Variants in PCDHGA2 observed in about 807,000 individuals in gnomAD.
The protein encoded by PCDHGA2 is protocadherin gamma-A2.
In PCDHGA2, 40 loss-of-function variants were observed where a neutral mutation model predicts 59.2. The observed-to-expected ratio is 0.68, with a 90% CI of 0.52 to 0.88. PCDHGA2 has a LOEUF of 0.88. Ranked by LOEUF, PCDHGA2 falls within the 40% of genes least tolerant of loss-of-function variation. The pLI is 0.00. For missense variants in PCDHGA2, 1,226 were observed against 1,204.0 expected (o/e 1.02, Z -0.27); for synonymous variants, 560 against 526.0 (o/e 1.06, Z -0.89).
chr5:141,457,868 G>T lies in PCDHGA2; in HGVS notation c.2425-36939G>T, dbSNP rs1479066479. ...AAAGTGACATTCTTCACTGACCACA[G>T]GTTAGGAACCCTGTGTGGGGACTGT... On this transcript the variant is annotated intron_variant, in intron 1 of 3. Transcript: ENST00000394576. Among the ~76,000 whole-genome samples the T allele has an allele frequency of 2.0e-5, 3 of 152,346 alleles. No individual in the cohort carries two copies. In the East Asian group the frequency reaches 5.8e-4, roughly 29 times the overall value.
In PCDHGA2 at chr5:141,431,770, T is replaced by G. The variant is rs748816389; in HGVS notation, c.2425-63037T>G. The G allele has an allele frequency of 3.7e-6, 6 of 1,614,204 alleles. No homozygotes were observed. In the South Asian group the frequency reaches 6.6e-5, roughly 18 times the overall value. ...CGCGAGCCAAAGTCCTGATCACTGT[T>G]CTGGACGTGAACGACAATGCCCCAG... On this transcript the variant is annotated intron_variant, in intron 1 of 3. Coordinates refer to ENST00000394576, the MANE Select transcript of PCDHGA2 (RefSeq NM_018915.4). The surrounding 1 kb of genome is among the most constrained non-coding windows in gnomAD (Gnocchi z 4.8).
intron 1 of PCDHGA2, chr5:141,475,848 C>T (rs1562050268): frequency 4.4e-6 from 2 of 451,496 alleles, no homozygotes; most frequent in Non-Finnish European, 7.9e-6. Context: ...TCAGAGAGCC[C>T]GGCGCTAGCT....
At chr5:141,418,740 TG>T in intron 1 of PCDHGA2, 1 of 1,613,972 alleles carries the variant, frequency 6.2e-7, no homozygotes, top group Non-Finnish European at 8.5e-7. Context: ...GTGTTCTCTC[TG>T]GATTACACTA....
chr5:141,349,159 C>T (rs1758243875), intron 1 of PCDHGA2, among the ~76,000 whole-genome samples: 1 of 152,140 alleles, frequency 6.6e-6, no homozygotes, highest in Non-Finnish European at 1.5e-5. Flanking sequence ...CAACCTCTGC[C>T]TCCTGAGTTA....
At position 141,351,482 on chromosome 5, in the gene PCDHGA2, C is replaced by A. The variant is rs148748054; in HGVS notation, c.2424+10087C>A. 6.5e-3 allele frequency: 10,410 copies of A among 1,613,848 alleles called. 45 individuals carry two copies. The highest frequency in any genetic ancestry group is 6.8e-3 in the Non-Finnish European group (8,040 of 1,179,816). On this transcript the variant is annotated intron_variant, in intron 1 of 3. Coordinates refer to ENST00000394576, the MANE Select transcript of PCDHGA2 (RefSeq NM_018915.4). ...GCTGGTGATTGCTGGAGCCCTAAAC[C>A]GGGAGCAGACAGCAGACTACAACGT... is the stretch of plus-strand genomic sequence containing the variant.
chr5:141,439,579 G>A (rs980322898), intron 1 of PCDHGA2, among the ~76,000 whole-genome samples: 6 of 152,148 alleles, frequency 3.9e-5, no homozygotes, highest in African/African-American at 1.4e-4. Context: ...GGGACTCAGA[G>A]TGCCACTGTT....
At chr5:141,361,864 A>G in intron 1 of PCDHGA2, 2 of 1,611,862 alleles carry the variant, frequency 1.2e-6, no homozygotes, top group Non-Finnish European at 1.7e-6. Context: ...CCTCTTCGAT[A>G]TGGTGCCACG....
chr5:141,423,327 A>C, intron 1 of PCDHGA2: 1 of 1,614,100 alleles, frequency 6.2e-7, no homozygotes, highest in Non-Finnish European at 8.5e-7. Context: ...CGGTGGCCGC[A>C]GTCTCCTGCA....
Position 141,477,609 on chromosome 5 carries a change from A to T in PCDHGA2, c.2425-17198A>T, listed in dbSNP as rs775454070. The T allele has an allele frequency of 6.2e-7, 1 of 1,614,192 alleles. No homozygotes were observed. The highest frequency in any genetic ancestry group is 1.1e-5 in the South Asian group (1 of 91,082). ...GCTCGGCTTTCTTTCTTTCTCTTGG[A>T]GCAAGGAGCTGAAACCGGGCTAGTG... On this transcript the variant is annotated intron_variant, in intron 1 of 3. Transcript: ENST00000394576. The surrounding 1 kb of genome is among the most constrained non-coding windows in gnomAD (Gnocchi z 4.9).
In PCDHGA2 at chr5:141,432,009, G is replaced by A. The variant is rs1227754190; in HGVS notation, c.2425-62798G>A. ...GTCTTGGATAGGGAACAGGTTCCTA[G>A]CTACAACATCACAGTGACCGCCACT... On this transcript the variant is annotated intron_variant, in intron 1 of 3. Coordinates refer to ENST00000394576, the MANE Select transcript of PCDHGA2 (RefSeq NM_018915.4). The surrounding 1 kb of genome is among the most constrained non-coding windows in gnomAD (Gnocchi z 6.0). The A allele has an allele frequency of 1.2e-6, 2 of 1,614,188 alleles. No homozygotes were observed. The highest frequency in any genetic ancestry group is 1.7e-6 in the Non-Finnish European group (2 of 1,180,024).
Position 141,487,691 on chromosome 5 carries a change from A to T in PCDHGA2, c.2425-7116A>T. On this transcript the variant is annotated intron_variant, in intron 1 of 3. Transcript: ENST00000394576. The surrounding 1 kb of genome is among the most constrained non-coding windows in gnomAD (Gnocchi z 5.0). ...CATATGGCTAGGCCATGTCCTAGAG[A>T]GTACTGGCCTCTCAGTAAGTGCCCA... 6.2e-7 allele frequency: 1 copy of T among 1,604,122 alleles called. No individual in the cohort carries two copies. The highest frequency in any genetic ancestry group is 8.5e-7 in the Non-Finnish European group (1 of 1,174,384).
In PCDHGA2 at chr5:141,491,801, G is replaced by C; in HGVS notation, c.2425-3006G>C. 1 of 1,500,844 alleles carries C rather than the reference G, an allele frequency of 6.7e-7. No individual in the cohort carries two copies. Among genetic ancestry groups the C allele is most frequent in the Non-Finnish European group, 8.9e-7 (1 of 1,125,292 alleles). The allele number at this position is 1,500,844 out of a possible 1,614,324, so 93.0% of individuals were successfully genotyped here. The stretch of plus-strand genomic sequence containing the variant: ...AACTTGCATCCACTCCTCTCCGGCC[G>C]GCTTGGTCGCTGGCTGCGCTCCACC... On this transcript the variant is annotated intron_variant, in intron 1 of 3. Coordinates refer to ENST00000394576, the MANE Select transcript of PCDHGA2 (RefSeq NM_018915.4). The surrounding 1 kb of genome is among the most constrained non-coding windows in gnomAD (Gnocchi z 6.9).
chr5:141,433,595 G>C (rs2097629585), intron 1 of PCDHGA2, among the ~76,000 whole-genome samples: 1 of 152,070 alleles, frequency 6.6e-6, no homozygotes, highest in South Asian at 2.1e-4. Context: ...CAGTACTTTG[G>C]GAGGCCGAGG....
At chr5:141,389,032 A>C in intron 1 of PCDHGA2, 1 of 1,613,974 alleles carries the variant, frequency 6.2e-7, no homozygotes, top group Non-Finnish European at 8.5e-7. Flanking sequence ...GTGACTTGTA[A>C]ATTGGAAGGT....
At chr5:141,385,129 G>T in intron 1 of PCDHGA2, 1 of 1,614,200 alleles carries the variant, frequency 6.2e-7, no homozygotes, top group South Asian at 1.1e-5. Context: ...TGTGGGCATG[G>T]ACGGGGTGCA....
chr5:141,422,477 A>G (rs1230502545), intron 1 of PCDHGA2: 2 of 1,613,904 alleles, frequency 1.2e-6, no homozygotes, highest in Admixed American at 1.7e-5. Flanking sequence ...GAGTTGGTCC[A>G]GAGCTACAAT....
chr5:141,478,202 C>T, intron 1 of PCDHGA2: 1 of 1,614,074 alleles, frequency 6.2e-7, no homozygotes, highest in Non-Finnish European at 8.5e-7. Flanking sequence ...TTATCTACTT[C>T]TTTCTCTAAT....
Position 141,352,720 on chromosome 5 carries a change from T to C in PCDHGA2, c.2424+11325T>C, listed in dbSNP as rs1364046182. 2.0e-6 allele frequency: 3 copies of C among 1,536,122 alleles called. No homozygotes were observed. The Admixed American group carries it at 5.9e-5, about 30-fold the overall frequency. The stretch of plus-strand genomic sequence containing the variant: ...TTTTATATATGGCGGCCGGGCGCGG[T>C]GGCTCAAGCCTGTAATCCCAGCACT... On this transcript the variant is annotated intron_variant, in intron 1 of 3. Transcript: ENST00000394576.
At chr5:141,422,138 T>G (rs1201680879) in intron 1 of PCDHGA2, 1 of 1,587,640 alleles carries the variant, frequency 6.3e-7, no homozygotes, top group Admixed American at 1.9e-5. Context: ...GAAGTTCAAG[T>G]ACGGGGGTCT....
Sources: allele counts gnomAD v4.1 joint callset (sites outside exome capture counted in the v4.1 genomes callset), GRCh38; gene constraint gnomAD v4.1.1; non-coding constraint Gnocchi (gnomAD v3.1); transcripts MANE v1.5; gene names NCBI Gene and HGNC (gene_info 2026-07-23, HGNC 2026-07-21).